Variants in UBR3 observed in about 807,000 individuals in gnomAD.
UBR3 encodes the protein ubiquitin protein ligase E3 component n-recognin 3, also known as E3 ubiquitin-protein ligase UBR3.
UBR3 carries 85 observed loss-of-function variants against 243.2 expected under a neutral mutation model. The ratio of observed to expected loss-of-function variants is 0.35; its 90% CI spans 0.29 to 0.42. UBR3 has a LOEUF of 0.42. UBR3 is among the 10% of genes least tolerant of loss of function. The pLI, the probability that UBR3 is intolerant of heterozygous loss-of-function variation, is 1.00. For synonymous variants in UBR3, 748 were observed against 799.8 expected, an observed-to-expected ratio of 0.94 and a Z score of 1.09; for missense variants, 1,686 against 2,300.8, an observed-to-expected ratio of 0.73 and a Z score of 5.47.
chr2:169,914,223 T>C, intron 11 of UBR3, 77 bp downstream of exon 11: 1 of 733,058 alleles, frequency 1.4e-6, no homozygotes, highest in Non-Finnish European at 2.0e-6. Flanking sequence ...TTTCATTTAA[T>C]GTTGAAAATA....
chr2:170,074,081 G>A (rs2091756295), intron 36 of UBR3, among the ~76,000 whole-genome samples: 2 of 152,148 alleles, frequency 1.3e-5, no homozygotes, highest in South Asian at 2.1e-4. Flanking sequence ...GAGTGGCTGT[G>A]TATGCCATGG....
At chr2:169,972,055 T>G (rs2088179896) in intron 24 of UBR3, among the ~76,000 whole-genome samples, 1 of 151,960 alleles carries the variant, frequency 6.6e-6, no homozygotes, top group African/African-American at 2.4e-5. Context: ...AAGAATCAAA[T>G]AGACGCAGTA....
intron 24 of UBR3, among the ~76,000 whole-genome samples, chr2:169,980,816 G>C (rs369168748): frequency 1.7e-3 from 203 of 121,786 alleles, no homozygotes; most frequent in African/African-American, 6.4e-3. Flanking sequence ...CTCCTCCCTT[G>C]CTGAAAAGAG....
chr2:169,906,249 C>T, intron 10 of UBR3, 85 bp downstream of exon 10: 3 of 1,393,320 alleles, frequency 2.2e-6, no homozygotes, highest in Non-Finnish European at 2.8e-6. Context: ...ATATAATGTG[C>T]AGTGTTTAAT....
chr2:169,920,209 T>C (rs1000997638), intron 11 of UBR3, among the ~76,000 whole-genome samples: 1 of 151,960 alleles, frequency 6.6e-6, no homozygotes, highest in African/African-American at 2.4e-5. Flanking sequence ...AGCAAACTAT[T>C]GCAAGGACAA....
chr2:169,939,499 C>T (rs2086490731), intron 19 of UBR3, among the ~76,000 whole-genome samples: 1 of 151,208 alleles, frequency 6.6e-6, no homozygotes, highest in South Asian at 2.1e-4. Context: ...GATCTCCTGA[C>T]CTCGTGATCC....
intron 21 of UBR3, among the ~76,000 whole-genome samples, chr2:169,947,173 C>T (rs73015800): frequency 0.044 from 6,622 of 152,014 alleles, 164 homozygotes; most frequent in Middle Eastern, 0.068. Context: ...TTAGTGATAC[C>T]TTTGGTTGAT....
In UBR3 at chr2:169,977,115, A is replaced by C. The variant is rs542432089; in HGVS notation, c.3635-9530A>C. Among the ~76,000 whole-genome samples, 10 of 152,196 alleles carry C rather than the reference A, an allele frequency of 6.6e-5. No homozygotes were observed. In the East Asian group the frequency reaches 1.9e-3, roughly 29 times the overall value. ...TGTCTCTTTGTTGAATTTCTTATGCATAAGAAATTTTCCTGATTCTATTGA... is the reference window on the plus strand; with the variant it reads ...TGTCTCTTTGTTGAATTTCTTATGCCTAAGAAATTTTCCTGATTCTATTGA... On this transcript the variant is annotated intron_variant, in intron 24 of 38. Coordinates refer to ENST00000272793, the MANE Select transcript of UBR3 (RefSeq NM_172070.4).
chr2:170,078,612 A>G (rs765010239), intron 36 of UBR3, among the ~76,000 whole-genome samples: 4 of 152,230 alleles, frequency 2.6e-5, no homozygotes, highest in Non-Finnish European at 4.4e-5. Flanking sequence ...TGAAAAAATC[A>G]GTTTTGTAGT....
At position 169,891,156 on chromosome 2, in the gene UBR3, T is replaced by C; in HGVS notation, c.1039-9T>C. The C allele has an allele frequency of 6.5e-7, 1 of 1,545,766 alleles. No homozygotes were observed. The highest frequency in any genetic ancestry group is 8.8e-7 in the Non-Finnish European group (1 of 1,142,650). ...GACTGTGTATAATGCTAATATTATT[T>C]TCCTTCAGGATGATCAGGATGGTAG... On this transcript the variant is annotated splice_polypyrimidine_tract_variant and intron_variant, in intron 5 of 38. Transcript: ENST00000272793.
At position 170,082,655 on chromosome 2, in the gene UBR3, G is replaced by A. The variant is rs2105464631; in HGVS notation, c.*812G>A. 1 of 152,674 alleles carries A rather than the reference G, an allele frequency of 6.5e-6. No individual in the cohort carries two copies. Among genetic ancestry groups the A allele is most frequent in the South Asian group, 2.1e-4 (1 of 4,826 alleles). The allele number at this position is 152,674 out of a possible 1,614,324, so 9.5% of individuals were successfully genotyped here. A position where few individuals can be genotyped will look rare whatever the true frequency, so the allele number is the denominator to read the frequency against. On this transcript the variant is annotated 3_prime_UTR_variant, in exon 39 of 39. Coordinates refer to ENST00000272793, the MANE Select transcript of UBR3 (RefSeq NM_172070.4). ...CAAGAGGTTTAAGAACATACACTGG[G>A]CAGATGTTGATTCCGTGCATGCCCA...
intron 6 of UBR3, among the ~76,000 whole-genome samples, chr2:169,891,613 G>GACACAC (rs3082964): frequency 0.025 from 3,689 of 148,850 alleles, 56 homozygotes; most frequent in African/African-American, 0.038. Context: ...GAGAGACAGA[G>GACACAC]ACACACACAC....
chr2:169,947,520 T>G (rs1189434823), intron 21 of UBR3, 22 bp from the exon 22 acceptor site: 4 of 1,430,838 alleles, frequency 2.8e-6, no homozygotes, highest in African/African-American at 1.5e-5. Flanking sequence ...AGACTTGATA[T>G]TCATTTTTTT....
At chr2:169,849,162 A>G (rs1000659726) in intron 1 of UBR3, among the ~76,000 whole-genome samples, 1 of 152,186 alleles carries the variant, frequency 6.6e-6, no homozygotes, top group Non-Finnish European at 1.5e-5. Context: ...GCTTTGGCGC[A>G]GCGTGGGGCC....
chr2:169,995,033 T>C (rs1216210918), intron 26 of UBR3, among the ~76,000 whole-genome samples: 1 of 152,158 alleles, frequency 6.6e-6, no homozygotes, highest in Non-Finnish European at 1.5e-5. Context: ...CACTTATGAC[T>C]GTGAACTGGA....
In UBR3 at chr2:169,978,959, G is replaced by A. The variant is rs2088594486; in HGVS notation, c.3635-7686G>A. ...TCAGTTCCCCAGGAGGTATTGTACT[G>A]TTAAGAGAATGAAATGATAAGCCAT... is the stretch of plus-strand genomic sequence containing the variant. On this transcript the variant is annotated intron_variant, in intron 24 of 38. Coordinates refer to ENST00000272793, the MANE Select transcript of UBR3 (RefSeq NM_172070.4). 2.0e-5 allele frequency among the ~76,000 whole-genome samples: 3 copies of A among 152,228 alleles called. No individual in the cohort carries two copies. In the South Asian group the frequency reaches 6.2e-4, roughly 32 times the overall value.
intron 5 of UBR3, among the ~76,000 whole-genome samples, chr2:169,888,310 T>C (rs2084191733): frequency 6.6e-6 from 1 of 151,492 alleles, no homozygotes; most frequent in African/African-American, 2.4e-5. Context: ...AGCTAATTTT[T>C]GTATTTTTAG....
intron 24 of UBR3, among the ~76,000 whole-genome samples, chr2:169,959,254 A>AT (rs1182096608): frequency 6.6e-6 from 1 of 152,168 alleles, no homozygotes; most frequent in African/African-American, 2.4e-5. Flanking sequence ...GAAGAAATGT[A>AT]TAGCGATCAG....
intron 33 of UBR3, among the ~76,000 whole-genome samples, chr2:170,060,842 A>G (rs1289822254): frequency 1.3e-5 from 2 of 152,136 alleles, no homozygotes; most frequent in Non-Finnish European, 2.9e-5. Context: ...TTATTTACAT[A>G]TAATTATGTA....
Sources: gnomAD v4.1 joint callset for allele counts (sites outside exome capture counted in the v4.1 genomes callset) on GRCh38, gnomAD v4.1.1 for gene constraint, MANE v1.5 for transcripts, NCBI Gene and HGNC (gene_info 2026-07-23, HGNC 2026-07-21) for gene names.